The following PLCB1 variants were observed in gnomAD, a reference collection of about 807,000 sequenced individuals.
PLCB1 encodes phospholipase C beta 1.
PLCB1 carries 46 observed loss-of-function variants against 161.8 expected under a neutral mutation model. The ratio of observed to expected loss-of-function variants is 0.28; its 90% confidence interval spans 0.22 to 0.36. The LOEUF (loss-of-function observed/expected upper bound fraction) is 0.36, where lower values mean the gene tolerates loss of function less well. PLCB1 is among the 10% of genes least tolerant of loss of function. PLCB1 has a pLI of 1.00. For synonymous variants in PLCB1, 517 were observed against 503.7 expected, an observed-to-expected ratio of 1.03 and a Z score of -0.35; for missense variants, 1,016 against 1,472.5, an observed-to-expected ratio of 0.69 and a Z score of 5.07.
chr20:8,790,621 C>T (rs1408312284), intron 31 of PLCB1, among the ~76,000 whole-genome samples: 1 of 152,192 alleles, frequency 6.6e-6, no homozygotes, highest in African/African-American at 2.4e-5. Flanking sequence ...TTCTAAATAG[C>T]TGATGTAATG....
chr20:8,414,889 A>ATAG (rs1979203409), intron 3 of PLCB1, among the ~76,000 whole-genome samples: 1 of 151,402 alleles, frequency 6.6e-6, no homozygotes, highest in Admixed American at 6.6e-5. Flanking sequence ...TATTAGAAAT[A>ATAG]TAGCATCTTG....
chr20:8,302,161 G>A (rs185783299), intron 2 of PLCB1, among the ~76,000 whole-genome samples: 1 of 152,320 alleles, frequency 6.6e-6, no homozygotes, highest in East Asian at 1.9e-4. Flanking sequence ...TTTTCTTGCT[G>A]TAGTTGCTAT....
chr20:8,245,076 G>A (rs1980812785), intron 2 of PLCB1, among the ~76,000 whole-genome samples: 1 of 144,872 alleles, frequency 6.9e-6, no homozygotes, highest in Non-Finnish European at 1.5e-5. Flanking sequence ...ATTTTAAGCA[G>A]AGTTTTTACT....
At chr20:8,363,615 A>T (rs1986613149) in intron 2 of PLCB1, among the ~76,000 whole-genome samples, 1 of 152,156 alleles carries the variant, frequency 6.6e-6, no homozygotes, top group Admixed American at 6.6e-5. Context: ...TAATGGTGGG[A>T]GTGATAGCCC....
rs370137478 is a variant in PLCB1 at position 8,351,180 on chromosome 20, T to A, written c.178-20202T>A. 1.3e-3 allele frequency among the ~76,000 whole-genome samples: 192 copies of A among 152,224 alleles called. 1 individual carries two copies. The Middle Eastern group carries it at 0.014, about 11-fold the overall frequency. On this transcript the variant is annotated intron_variant, in intron 2 of 31. Transcript: ENST00000338037. ...AATGGAAAATAATAGCAAGCCCCCA[T>A]ATAGACCCAGATAAGTATAGTAAAC...
At chr20:8,508,963 T>C (rs1983759385) in intron 3 of PLCB1, among the ~76,000 whole-genome samples, 1 of 152,182 alleles carries the variant, frequency 6.6e-6, no homozygotes, top group Non-Finnish European at 1.5e-5. Context: ...CAACTTTTAG[T>C]TGCCATTTAA....
At chr20:8,869,797 C>G in intron 31 of PLCB1, among the ~76,000 whole-genome samples, 1 of 152,182 alleles carries the variant, frequency 6.6e-6, no homozygotes, top group East Asian at 1.9e-4. Flanking sequence ...AGGCAGGTAG[C>G]TCTGTAGCTC....
rs117158224 is a variant in PLCB1 at position 8,838,809 on chromosome 20, G to A, written c.3424-42813G>A. On this transcript the variant is annotated intron_variant, in intron 31 of 31. Coordinates refer to ENST00000338037, the MANE Select transcript of PLCB1 (RefSeq NM_015192.4). ...AACATGGAAAGTTTAACCAGGTGGT[G>A]ACTCCAATTGCAGCTGTTGTACCAG... is the stretch of plus-strand genomic sequence containing the variant. Among the ~76,000 whole-genome samples the A allele has an allele frequency of 2.5e-3, 374 of 152,330 alleles. 10 individuals carry two copies. The East Asian group carries it at 0.069, about 28-fold the overall frequency.
rs538991469 is a variant in PLCB1 at position 8,692,819 on chromosome 20, C to T, written c.1010-4807C>T. 3.3e-5 allele frequency among the ~76,000 whole-genome samples: 5 copies of T among 152,194 alleles called. No individual in the cohort carries two copies. In the East Asian group the frequency reaches 9.7e-4, roughly 29 times the overall value. On this transcript the variant is annotated intron_variant, in intron 10 of 31. Transcript: ENST00000338037. Reference sequence around the variant, plus strand: ...CCTTCTAAGAGTGAAGAAAATGTTCCTAGAGGTTCCCTGACAGCCCCCCAC... The same window carrying T: ...CCTTCTAAGAGTGAAGAAAATGTTCTTAGAGGTTCCCTGACAGCCCCCCAC...
chr20:8,521,814 A>G (rs1390283343), intron 3 of PLCB1, among the ~76,000 whole-genome samples: 1 of 152,250 alleles, frequency 6.6e-6, no homozygotes, highest in Non-Finnish European at 1.5e-5. Context: ...TTTATCATAG[A>G]AACACAGATA....
At chr20:8,425,193 C>A (rs1271480696) in intron 3 of PLCB1, among the ~76,000 whole-genome samples, 1 of 148,130 alleles carries the variant, frequency 6.8e-6, no homozygotes, top group Non-Finnish European at 1.5e-5. Context: ...TCCTTGGCTG[C>A]TTTTTGCAAC....
chr20:8,721,414 TC>T (rs1214596030), intron 14 of PLCB1, among the ~76,000 whole-genome samples: 1 of 152,216 alleles, frequency 6.6e-6, no homozygotes. Context: ...TACTTGAAAA[TC>T]TTTTTTATAT....
intron 2 of PLCB1, among the ~76,000 whole-genome samples, chr20:8,205,919 A>G (rs1178773429): frequency 1.3e-5 from 2 of 151,984 alleles, no homozygotes; most frequent in Non-Finnish European, 2.9e-5. Context: ...AAAATTATCC[A>G]TGATAAAAAT....
intron 4 of PLCB1, among the ~76,000 whole-genome samples, chr20:8,639,934 A>G (rs2207069): frequency 0.97 from 147,414 of 151,886 alleles, 71,548 homozygotes; most frequent in East Asian, 1. Context: ...CTATTCCAAG[A>G]CCTTCACAGG....
chr20:8,810,868 AG>A (rs1419528183), intron 31 of PLCB1, among the ~76,000 whole-genome samples: 3 of 152,168 alleles, frequency 2.0e-5, no homozygotes, highest in African/African-American at 7.2e-5. Context: ...GGGGGCTGAG[AG>A]ATGGGAGGAT....
intron 2 of PLCB1, among the ~76,000 whole-genome samples, chr20:8,330,170 C>A (rs192012211): frequency 5.4e-4 from 82 of 152,252 alleles, no homozygotes; most frequent in Non-Finnish European, 8.2e-4. Flanking sequence ...TAATAGCTAT[C>A]ATTTATAATT....
At chr20:8,140,820 C>T (rs113126330) in intron 1 of PLCB1, among the ~76,000 whole-genome samples, 6,607 of 151,164 alleles carry the variant, frequency 0.044, 182 homozygotes, top group South Asian at 0.12. Flanking sequence ...TTTTTTTAGA[C>T]GGAGTTTTGC....
intron 31 of PLCB1, among the ~76,000 whole-genome samples, chr20:8,795,147 A>G (rs2146229684): frequency 6.6e-6 from 1 of 152,296 alleles, no homozygotes; most frequent in African/African-American, 2.4e-5. Flanking sequence ...GTGGCCAGTC[A>G]CACTGGAAAA....
chr20:8,181,248 CAAAAAAAAAA>C (rs60871672), intron 2 of PLCB1, among the ~76,000 whole-genome samples: 12,921 of 81,612 alleles, frequency 0.16, 938 homozygotes, highest in African/African-American at 0.28. Context: ...GACTCTGTCT[CAAAAAAAAAA>C]AAAAAAAAAA....
Sources: allele counts gnomAD v4.1 joint callset (sites outside exome capture counted in the v4.1 genomes callset), GRCh38; gene constraint gnomAD v4.1.1; transcripts MANE v1.5; gene names NCBI Gene and HGNC (gene_info 2026-07-23, HGNC 2026-07-21).